The following DNAJA3 variants were observed in gnomAD, a reference collection of about 807,000 sequenced individuals.
The protein encoded by DNAJA3 is dnaJ homolog subfamily A member 3, mitochondrial.
Under a neutral mutation model 54.9 loss-of-function variants are expected in DNAJA3, and 29 were observed. That is an observed-to-expected ratio of 0.53 (90% confidence interval 0.39 to 0.72). The LOEUF is 0.72. Ranked by LOEUF, DNAJA3 falls within the 30% of genes least tolerant of loss-of-function variation. The probability of loss-of-function intolerance (pLI) is 0.00; values close to 1 mark genes in which losing one functional copy is unlikely to be tolerated. For missense variants in DNAJA3, 708 were observed against 639.4 expected, an observed-to-expected ratio of 1.11 and a Z score of -1.16; for synonymous variants, 302 against 251.4, an observed-to-expected ratio of 1.20 and a Z score of -1.90.
chr16:4,452,712 C>T (rs1014308158), intron 10 of DNAJA3, among the ~76,000 whole-genome samples: 7 of 152,162 alleles, frequency 4.6e-5, no homozygotes, highest in Non-Finnish European at 1.0e-4. Context: ...AGTTCGAGAC[C>T]AGCCTGGGCA....
At chr16:4,447,983 T>A (rs573193147) in intron 8 of DNAJA3, 13 of 148,286 alleles carry the variant, frequency 8.8e-5, no homozygotes, top group African/African-American at 3.0e-4. Flanking sequence ...AGTGCTGGGA[T>A]TAAAAGGCGT....
At chr16:4,429,667 T>G (rs1427778660) in intron 1 of DNAJA3, among the ~76,000 whole-genome samples, 1 of 152,090 alleles carries the variant, frequency 6.6e-6, no homozygotes, top group South Asian at 2.1e-4. Context: ...AAACCCCGTC[T>G]CTACAAAAAA....
At position 4,442,323 on chromosome 16, in the gene DNAJA3, C is replaced by T. The variant is rs773637238; in HGVS notation, c.686C>T (p.Thr229Ile). 6.2e-6 allele frequency: 10 copies of T among 1,608,134 alleles called. No homozygotes were observed. In the South Asian group the frequency reaches 1.1e-4, roughly 18 times the overall value. ...GCAAAGGGGGTCAACAAGGAGTTCA[C>T]CGTGAACATCATGGACACGTGTGAG... ...QAAKGVNKEF[T>I]VNIMDTCERC... is the part of the protein sequence containing the mutation. The change falls in exon 5 of 12, where the codon ACC becomes ATC. Residue 229 changes from threonine to isoleucine, a missense_variant. Thr to Ile is a moderately conservative substitution (Grantham distance 89). Coordinates refer to ENST00000262375, the MANE Select transcript of DNAJA3 (RefSeq NM_005147.6).
intron 3 of DNAJA3, among the ~76,000 whole-genome samples, chr16:4,438,430 A>T (rs1415112807): frequency 1.3e-5 from 2 of 152,074 alleles, no homozygotes; most frequent in East Asian, 3.8e-4. Context: ...TTCAGCCCTT[A>T]TTCAATGACA....
chr16:4,442,180 G>C, intron 4 of DNAJA3, 88 bp from the exon 5 acceptor site: 2 of 1,382,228 alleles, frequency 1.4e-6, no homozygotes, highest in Non-Finnish European at 2.0e-6. Flanking sequence ...TGAAAATGTG[G>C]GCCAGTACCC....
rs1227226775 is a variant in DNAJA3, at chr16:4,441,429, T to G, written c.484T>G (p.Phe162Val). Residue 162 changes from phenylalanine (F) to valine (V), a missense_variant, in exon 4 of 12, where the codon TTC becomes GTC. Coordinates refer to ENST00000262375, the MANE Select transcript of DNAJA3 (RefSeq NM_005147.6). ...GTACGATGCCTACGGCTCTGCAGGCTTCGATCCTGGGGCCAGCGGCTCCCA... is the reference window on the plus strand; with the variant it reads ...GTACGATGCCTACGGCTCTGCAGGCGTCGATCCTGGGGCCAGCGGCTCCCA... ...KQYDAYGSAG[F>V]DPGASGSQHS... 1.9e-6 allele frequency: 3 copies of G among 1,614,046 alleles called. No individual in the cohort carries two copies. In the African/African-American group the frequency reaches 4.0e-5, roughly 22 times the overall value.
At chr16:4,444,594 A>C in intron 6 of DNAJA3, 70 bp from the exon 7 acceptor site, 1 of 1,415,032 alleles carries the variant, frequency 7.1e-7, no homozygotes, top group Non-Finnish European at 1.0e-6. Context: ...TCGGCCTCCC[A>C]AAGTGCTGGG....
chr16:4,450,089 A>C, intron 9 of DNAJA3: 1 of 263,262 alleles, frequency 3.8e-6, no homozygotes, highest in South Asian at 1.1e-4. Context: ...CGCCTGGCCT[A>C]ATTAGATAAT....
chr16:4,444,860 GGCCACCTAGATGTGGTTTTTA>G, intron 7 of DNAJA3, 132 bp downstream of exon 7: 1 of 770,192 alleles, frequency 1.3e-6, no homozygotes, highest in South Asian at 1.8e-5. Flanking sequence ...GGGGCACAGT[GGCCACCTAGATGTGGTTTTTA>G]GCTGTTTGTT....
chr16:4,441,175 G>A (rs760530770), intron 3 of DNAJA3, 200 bp from the exon 4 acceptor site: 5 of 588,392 alleles, frequency 8.5e-6, no homozygotes, highest in African/African-American at 5.6e-5. Flanking sequence ...AGCACTTCAC[G>A]CCCTACACTT....
intron 3 of DNAJA3, among the ~76,000 whole-genome samples, chr16:4,439,225 G>T (rs995317824): frequency 1.3e-5 from 2 of 152,048 alleles, no homozygotes; most frequent in Admixed American, 6.6e-5. Context: ...GCCAGGTGTG[G>T]TGGTGGGTGC....
At chr16:4,444,353 T>TC (rs1448118339) in intron 6 of DNAJA3, among the ~76,000 whole-genome samples, 1 of 151,430 alleles carries the variant, frequency 6.6e-6, no homozygotes, top group East Asian at 1.9e-4. Context: ...TTCTTTTTTT[T>TC]TTTTTTTTTA....
At chr16:4,441,223 C>G in intron 3 of DNAJA3, 152 bp from the exon 4 acceptor site, 1 of 652,826 alleles carries the variant, frequency 1.5e-6, no homozygotes, top group Non-Finnish European at 2.6e-6. Context: ...CTTCTAGGTG[C>G]TAGTCACAGG....
At chr16:4,449,952 G>A (rs1249343192) in intron 9 of DNAJA3, 1 of 153,646 alleles carries the variant, frequency 6.5e-6, no homozygotes, top group Non-Finnish European at 1.4e-5. Flanking sequence ...GCCACGCCCA[G>A]CTAATTTTTG....
At chr16:4,446,295 G>T (rs1301373626) in intron 7 of DNAJA3, among the ~76,000 whole-genome samples, 1 of 148,522 alleles carries the variant, frequency 6.7e-6, no homozygotes, top group Non-Finnish European at 1.5e-5. Flanking sequence ...TCAGGCTGGA[G>T]TGCAGTGGTG....
intron 6 of DNAJA3, 122 bp from the exon 7 acceptor site, chr16:4,444,542 G>C: frequency 2.7e-6 from 2 of 740,068 alleles, no homozygotes; most frequent in Non-Finnish European, 4.6e-6. Flanking sequence ...CACCATGTTG[G>C]CCAGGATGGT....
chr16:4,431,769 G>A (rs1445116099), intron 1 of DNAJA3: 1 of 152,034 alleles, frequency 6.6e-6, no homozygotes. Flanking sequence ...GTAGAGACAA[G>A]ATTTCACCAT....
chr16:4,445,958 G>A (rs1398495080), intron 7 of DNAJA3, among the ~76,000 whole-genome samples: 1 of 148,054 alleles, frequency 6.8e-6, no homozygotes, highest in Non-Finnish European at 1.5e-5. Flanking sequence ...GTCTTGCTCT[G>A]TTGCCCAGTC....
intron 1 of DNAJA3, among the ~76,000 whole-genome samples, chr16:4,433,014 C>T (rs962386573): frequency 6.6e-6 from 1 of 151,960 alleles, no homozygotes; most frequent in South Asian, 2.1e-4. Flanking sequence ...TGGTGGCAGG[C>T]GCCCGTAGTC....
Sources: allele counts gnomAD v4.1 joint callset (sites outside exome capture counted in the v4.1 genomes callset), GRCh38; gene constraint gnomAD v4.1.1; transcripts MANE v1.5; gene names NCBI Gene and HGNC (gene_info 2026-07-23, HGNC 2026-07-21).